TTC13: variants seen among roughly 807,000 people sequenced by gnomAD.
TTC13 encodes the protein tetratricopeptide repeat protein 13.
In TTC13, 62 loss-of-function variants were observed where a neutral mutation model predicts 120.0. That is an observed-to-expected ratio of 0.52 (90% CI 0.42 to 0.64). The LOEUF (loss-of-function observed/expected upper bound fraction) is 0.64. TTC13 is among the 30% of genes least tolerant of loss of function. The pLI is 0.00. For missense variants in TTC13, 824 were observed against 1,050.2 expected (o/e 0.78, Z 2.98); for synonymous variants, 384 against 393.5 (o/e 0.98, Z 0.28).
At chr1:230,933,906 A>AC (rs759316151) in intron 8 of TTC13, 45 bp from the exon 9 acceptor site, 2 of 1,252,946 alleles carry the variant, frequency 1.6e-6, no homozygotes, top group South Asian at 2.6e-5. Flanking sequence ...ATAATTGTTA[A>AC]AATTGAGATT....
At chr1:230,913,485 G>A (rs549425298) in intron 18 of TTC13, among the ~76,000 whole-genome samples, 94 of 152,268 alleles carry the variant, frequency 6.2e-4, no homozygotes, top group Non-Finnish European at 6.8e-4. Context: ...TCAGCCTCTT[G>A]AGTAGCTGGG....
At chr1:230,968,332 T>TAA (rs5781615) in intron 1 of TTC13, among the ~76,000 whole-genome samples, 9 of 145,442 alleles carry the variant, frequency 6.2e-5, no homozygotes, top group African/African-American at 1.2e-4. Flanking sequence ...ATTCTTTTTT[T>TAA]AAAAAAACAA....
chr1:230,978,589 C>T lies in TTC13; in HGVS notation c.242G>A (p.Trp81Ter). 7.3e-7 allele frequency: 1 copy of T among 1,373,772 alleles called. No homozygotes were observed. Among genetic ancestry groups the T allele is most frequent in the Non-Finnish European group, 9.7e-7 (1 of 1,035,262 alleles). The allele number at this position is 1,373,772 out of a possible 1,614,324, so 85.1% of individuals were successfully genotyped here. A position where few individuals can be genotyped will look rare whatever the true frequency, so the allele number is the denominator to read the frequency against. ...GCACTCGGCAGAGTACTGGTCCCCC[C>T]AGTCCCCGGACTGCGGGCTGCAGCC... Reference protein sequence around the residue: ...GGGCSPQSGDWGDQYSAECGE... With the variant: ...GGGCSPQSGD The change falls in exon 1 of 23, where the codon TGG becomes TAG. Residue 81 changes from tryptophan (W) to a stop codon, truncating the protein, a stop_gained. Coordinates refer to ENST00000366661, the MANE Select transcript of TTC13 (RefSeq NM_024525.5). LOFTEE classifies it high-confidence loss of function. The surrounding 1 kb of genome is among the most constrained non-coding windows in gnomAD (Gnocchi z 5.6).
rs1232434380 is a variant in TTC13 at position 230,978,260 on chromosome 1, C to T, written c.271+300G>A. Among the ~76,000 whole-genome samples the T allele has an allele frequency of 6.6e-6, 1 of 152,168 alleles. No individual in the cohort carries two copies. The highest frequency in any genetic ancestry group is 1.9e-4 in the East Asian group (1 of 5,170). ...GCCCCGGGCCACCTGCCATCTCCTC[C>T]GCCACCCTTCCAACAGTTGCTTCAG... On this transcript the variant is annotated intron_variant, in intron 1 of 22. Transcript: ENST00000366661. The surrounding 1 kb of genome is among the most constrained non-coding windows in gnomAD (Gnocchi z 5.6).
At chr1:230,920,710 C>A (rs924404239) in intron 16 of TTC13, 116 bp from the exon 17 acceptor site, 2 of 570,628 alleles carry the variant, frequency 3.5e-6, no homozygotes, top group Non-Finnish European at 5.8e-6. Flanking sequence ...GCTAAACATT[C>A]AAAATGGTAG....
chr1:230,972,835 G>A (rs1415387611), intron 1 of TTC13, among the ~76,000 whole-genome samples: 1 of 152,200 alleles, frequency 6.6e-6, no homozygotes, highest in Non-Finnish European at 1.5e-5. Context: ...TCGTCATAGG[G>A]CTTATGCTAT....
At chr1:230,965,607 T>C (rs1364239271) in intron 1 of TTC13, among the ~76,000 whole-genome samples, 4 of 152,216 alleles carry the variant, frequency 2.6e-5, no homozygotes, top group Non-Finnish European at 5.9e-5. Flanking sequence ...GATCCAGCAA[T>C]CCCACTGCTG....
chr1:230,931,422 C>A lies in TTC13; in HGVS notation c.1176G>T (p.Gly392=). Residue 392 remains glycine (G), a synonymous_variant, in exon 11 of 23, where the codon GGG becomes GGT. Coordinates refer to ENST00000366661, the MANE Select transcript of TTC13 (RefSeq NM_024525.5). ...PYNEVCQYMK[G]LSHVAMGQFY... ...ACTGTCCCATGGCAACATGGCTGAG[C>A]CCTTTCATATACTGGCACACTTCAT... 6.2e-7 allele frequency: 1 copy of A among 1,614,192 alleles called. No individual in the cohort carries two copies.
At chr1:230,935,080 G>A (rs1673916302) in intron 8 of TTC13, among the ~76,000 whole-genome samples, 3 of 152,288 alleles carry the variant, frequency 2.0e-5, no homozygotes, top group African/African-American at 4.8e-5. Context: ...GAATATCTAC[G>A]GTTGGGTAGA....
At chr1:230,949,301 C>T (rs1400497304) in intron 4 of TTC13, among the ~76,000 whole-genome samples, 1 of 150,388 alleles carries the variant, frequency 6.6e-6, no homozygotes, top group Non-Finnish European at 1.5e-5. Flanking sequence ...TCCAGGGTAA[C>T]AGGAAGGCAA....
rs1305137552 is a variant in TTC13 at position 230,914,454 on chromosome 1, G to T, written c.2094-1696C>A. Among the ~76,000 whole-genome samples, 10 of 151,972 alleles carry T rather than the reference G, an allele frequency of 6.6e-5. 1 individual carries two copies. The highest frequency in any genetic ancestry group is 2.6e-4 in the Admixed American group (4 of 15,254). ...TCTGTCACCAGGCTGGAGTGCAGTGGCATGATCTCGGCTCACTGCAACCTC... is the reference window on the plus strand; with the variant it reads ...TCTGTCACCAGGCTGGAGTGCAGTGTCATGATCTCGGCTCACTGCAACCTC... On this transcript the variant is annotated intron_variant, in intron 18 of 22. Coordinates refer to ENST00000366661, the MANE Select transcript of TTC13 (RefSeq NM_024525.5).
chr1:230,974,828 G>A (rs1244834732), intron 1 of TTC13, among the ~76,000 whole-genome samples: 2 of 152,170 alleles, frequency 1.3e-5, no homozygotes, highest in East Asian at 3.8e-4. Flanking sequence ...TAGTCCTGCA[G>A]TTCAAAACAC....
At chr1:230,912,561 TTC>T (rs1402466972) in intron 19 of TTC13, 60 bp downstream of exon 19, 17 of 1,569,078 alleles carry the variant, frequency 1.1e-5, no homozygotes, top group Non-Finnish European at 1.4e-5. Context: ...AGGGCAGAGG[TTC>T]AAAAAATTTA....
intron 17 of TTC13, among the ~76,000 whole-genome samples, chr1:230,918,310 T>C (rs1280517951): frequency 6.6e-6 from 1 of 152,174 alleles, no homozygotes; most frequent in African/African-American, 2.4e-5. Flanking sequence ...CCAATGACAA[T>C]GTAGCTCACC....
intron 8 of TTC13, among the ~76,000 whole-genome samples, chr1:230,935,386 G>A (rs1673946089): frequency 6.6e-6 from 1 of 152,198 alleles, no homozygotes; most frequent in African/African-American, 2.4e-5. Flanking sequence ...GTAAGTCTCT[G>A]AGAATGAAGA....
rs1370277216 is a variant in TTC13, at chr1:230,939,449, G to A, written c.837C>T (p.Asn279=). ...HEDFQQSLEL[N]KNQPIAMLYK... is the part of the protein sequence containing the mutation. ...ATAGCATAGCTATAGGCTGGTTTTT[G>A]TTCAGTTCTAAGGACTGCTGAAAGT... Residue 279 remains asparagine (N), a synonymous_variant, in exon 8 of 23, where the codon AAC becomes AAT. Transcript: ENST00000366661. 6.2e-7 allele frequency: 1 copy of A among 1,612,956 alleles called. No homozygotes were observed. Among genetic ancestry groups the A allele is most frequent in the African/African-American group, 1.3e-5 (1 of 74,904 alleles).
chr1:230,966,197 G>C (rs11122169), intron 1 of TTC13, among the ~76,000 whole-genome samples: 18,734 of 152,032 alleles, frequency 0.12, 1,194 homozygotes, highest in Middle Eastern at 0.22. Flanking sequence ...ATGGGGTAGA[G>C]GGTGATATTT....
At chr1:230,934,967 C>T (rs1274160292) in intron 8 of TTC13, among the ~76,000 whole-genome samples, 1 of 152,156 alleles carries the variant, frequency 6.6e-6, no homozygotes, top group East Asian at 1.9e-4. Context: ...TTCCCTGCAC[C>T]TTGATTTTCT....
chr1:230,967,069 T>A (rs1677198731), intron 1 of TTC13, among the ~76,000 whole-genome samples: 2 of 152,192 alleles, frequency 1.3e-5, no homozygotes, highest in South Asian at 4.1e-4. Flanking sequence ...ATTACTGAAC[T>A]CTTTACAGCC....
Sources: gnomAD v4.1 joint callset for allele counts (sites outside exome capture counted in the v4.1 genomes callset) on GRCh38, gnomAD v4.1.1 for gene constraint, Gnocchi (gnomAD v3.1) non-coding constraint, MANE v1.5 for transcripts, NCBI Gene and HGNC (gene_info 2026-07-23, HGNC 2026-07-21) for gene names.